Variants in CHN1 observed in about 807,000 individuals in gnomAD.
CHN1 encodes the protein N-chimaerin.
CHN1 carries 37 observed loss-of-function variants against 59.5 expected under a neutral mutation model. The ratio of observed to expected loss-of-function variants is 0.62; its 90% CI spans 0.48 to 0.82. The LOEUF (loss-of-function observed/expected upper bound fraction) is 0.82, where lower values mean the gene tolerates loss of function less well. Among genes scored for constraint, CHN1 ranks in the 40% least tolerant of loss-of-function variants. The pLI is 0.00. For missense variants in CHN1, 469 were observed against 571.0 expected, an observed-to-expected ratio of 0.82 and a Z score of 1.82; for synonymous variants, 206 against 200.4, an observed-to-expected ratio of 1.03 and a Z score of -0.24.
At chr2:174,881,512 A>AT (rs372873924) in intron 5 of CHN1, among the ~76,000 whole-genome samples, 1 of 152,188 alleles carries the variant, frequency 6.6e-6, no homozygotes, top group African/African-American at 2.4e-5. Flanking sequence ...TTACATGAAG[A>AT]TATTTAAGTC....
intron 8 of CHN1, among the ~76,000 whole-genome samples, chr2:174,817,611 G>A (rs1284254486): frequency 3.4e-5 from 5 of 149,142 alleles, no homozygotes; most frequent in Middle Eastern, 3.6e-3. Flanking sequence ...ACAGACACGC[G>A]TCGCTACGCC....
intron 1 of CHN1, among the ~76,000 whole-genome samples, chr2:174,974,921 A>ACACACACACC (rs1690874741): frequency 6.6e-6 from 1 of 151,792 alleles, no homozygotes; most frequent in Non-Finnish European, 1.5e-5. Flanking sequence ...ACACACACAC[A>ACACACACACC]CACACACACA....
At chr2:174,878,199 AAAAC>A (rs1236518902) in intron 5 of CHN1, 71 bp from the exon 6 acceptor site, 2 of 1,329,558 alleles carry the variant, frequency 1.5e-6, no homozygotes, top group Admixed American at 5.4e-5. Context: ...AAAAAAAACA[AAAAC>A]AAAAAAAAAC....
At chr2:174,977,323 C>G (rs1476671715) in intron 1 of CHN1, among the ~76,000 whole-genome samples, 1 of 152,130 alleles carries the variant, frequency 6.6e-6, no homozygotes, top group Non-Finnish European at 1.5e-5. Flanking sequence ...TCAATTTAAC[C>G]ATTATCATTA....
chr2:174,989,719 G>C (rs975039321), intron 1 of CHN1, among the ~76,000 whole-genome samples: 5 of 151,916 alleles, frequency 3.3e-5, no homozygotes, highest in African/African-American at 1.2e-4. Context: ...GAGCCCAGGA[G>C]GTCAAGGCTG....
intron 3 of CHN1, among the ~76,000 whole-genome samples, chr2:174,926,644 T>A (rs78315544): frequency 6.6e-6 from 1 of 152,172 alleles, no homozygotes; most frequent in Non-Finnish European, 1.5e-5. Context: ...TTCACTGAGC[T>A]AGACAAAGGC....
intron 3 of CHN1, among the ~76,000 whole-genome samples, chr2:174,926,903 G>A (rs1417169262): frequency 2.0e-5 from 3 of 151,854 alleles, no homozygotes; most frequent in Non-Finnish European, 2.9e-5. Context: ...GACTAAAGGC[G>A]CCCGCCACCA....
intron 1 of CHN1, among the ~76,000 whole-genome samples, chr2:174,960,769 C>A (rs2105424708): frequency 6.6e-6 from 1 of 151,972 alleles, no homozygotes; most frequent in East Asian, 1.9e-4. Context: ...TTGCAGTGAG[C>A]CGAGATCATG....
intron 5 of CHN1, among the ~76,000 whole-genome samples, chr2:174,891,328 T>C (rs540965863): frequency 4.0e-5 from 6 of 151,130 alleles, no homozygotes; most frequent in African/African-American, 1.5e-4. Flanking sequence ...TCCCAGCACT[T>C]TGGGAGGCTG....
At chr2:174,939,759 C>G (rs568376235) in intron 3 of CHN1, among the ~76,000 whole-genome samples, 12 of 152,158 alleles carry the variant, frequency 7.9e-5, no homozygotes, top group Admixed American at 2.0e-4. Flanking sequence ...TTGATCACAG[C>G]GAGCAGCAAT....
At chr2:174,822,647 G>A (rs1001433758) in intron 8 of CHN1, among the ~76,000 whole-genome samples, 4 of 152,178 alleles carry the variant, frequency 2.6e-5, no homozygotes, top group Non-Finnish European at 4.4e-5. Flanking sequence ...CATTGTTCTC[G>A]AGCAGGCAAT....
chr2:174,829,636 T>C (rs2646199), intron 7 of CHN1, among the ~76,000 whole-genome samples: 15,292 of 152,220 alleles, frequency 0.1, 2,597 homozygotes, highest in African/African-American at 0.35. Context: ...CCAAGGAGCA[T>C]GCCTGCAAAG....
chr2:174,815,918 GTTT>G (rs1026165655), intron 8 of CHN1, among the ~76,000 whole-genome samples: 1 of 151,896 alleles, frequency 6.6e-6, no homozygotes, highest in Non-Finnish European at 1.5e-5. Flanking sequence ...AGTTTACAAA[GTTT>G]TTTTTAAATG....
At chr2:174,968,115 G>A (rs1416576965) in intron 1 of CHN1, among the ~76,000 whole-genome samples, 1 of 152,184 alleles carries the variant, frequency 6.6e-6, no homozygotes, top group Non-Finnish European at 1.5e-5. Context: ...TGCTCAGAAA[G>A]TAAGATAAAC....
chr2:174,869,043 G>A (rs894319308), intron 6 of CHN1, among the ~76,000 whole-genome samples: 1 of 152,182 alleles, frequency 6.6e-6, no homozygotes, highest in South Asian at 2.1e-4. Flanking sequence ...TCAGGCCAGA[G>A]AGGAAGAGCA....
chr2:174,954,768 C>T (rs1230873991), intron 1 of CHN1, among the ~76,000 whole-genome samples: 7 of 152,042 alleles, frequency 4.6e-5, no homozygotes. Flanking sequence ...ACAAGAGTGG[C>T]CATAATTAAA....
intron 1 of CHN1, among the ~76,000 whole-genome samples, chr2:174,994,826 A>G (rs997572713): frequency 2.6e-5 from 4 of 152,230 alleles, no homozygotes; most frequent in African/African-American, 9.6e-5. Flanking sequence ...ATGAAGTCAG[A>G]CAGGTCAAGG....
At chr2:174,819,011 T>C (rs1366993490) in intron 8 of CHN1, among the ~76,000 whole-genome samples, 4 of 152,040 alleles carry the variant, frequency 2.6e-5, no homozygotes, top group African/African-American at 9.7e-5. Context: ...TTGAAACATA[T>C]CTCGTTTTTT....
intron 7 of CHN1, among the ~76,000 whole-genome samples, chr2:174,842,979 A>G (rs1686365971): frequency 6.6e-6 from 1 of 152,226 alleles, no homozygotes; most frequent in African/African-American, 2.4e-5. Context: ...ACCTTAAAAA[A>G]TTAAACTCAT....
Sources: gnomAD v4.1 joint callset for allele counts (sites outside exome capture counted in the v4.1 genomes callset) on GRCh38, gnomAD v4.1.1 for gene constraint, MANE v1.5 for transcripts, NCBI Gene and HGNC (gene_info 2026-07-23, HGNC 2026-07-21) for gene names.